PAK5: variants seen among roughly 807,000 people sequenced by gnomAD.
PAK5 encodes serine/threonine-protein kinase PAK 5.
PAK5 carries 16 observed loss-of-function variants against 65.9 expected under a neutral mutation model. The ratio of observed to expected loss-of-function variants is 0.24; its 90% CI spans 0.16 to 0.37. PAK5 has a LOEUF of 0.37. Ranked by LOEUF, PAK5 falls within the 10% of genes least tolerant of loss-of-function variation. The pLI is 1.00. For missense variants in PAK5, 785 were observed against 903.9 expected, an observed-to-expected ratio of 0.87 and a Z score of 1.69; for synonymous variants, 371 against 354.9, an observed-to-expected ratio of 1.05 and a Z score of -0.51.
intron 6 of PAK5, 41 bp downstream of exon 6, chr20:9,562,850 T>A: frequency 6.3e-7 from 1 of 1,586,664 alleles, no homozygotes; most frequent in Non-Finnish European, 8.6e-7. Flanking sequence ...TGGAGAAGAA[T>A]AAGAAGCACC....
chr20:9,672,426 G>A (rs950989525), intron 2 of PAK5, among the ~76,000 whole-genome samples: 5 of 150,530 alleles, frequency 3.3e-5, no homozygotes, highest in African/African-American at 7.4e-5. Context: ...ATCATGGGAG[G>A]AAGCCTGTGG....
At chr20:9,837,953 C>G (rs1364369284) in intron 1 of PAK5, among the ~76,000 whole-genome samples, 2 of 152,128 alleles carry the variant, frequency 1.3e-5, no homozygotes, top group Admixed American at 6.5e-5. Context: ...TAACTCAGCC[C>G]GAGTTGAAAG....
At chr20:9,746,194 C>T (rs1303494592) in intron 1 of PAK5, among the ~76,000 whole-genome samples, 2 of 152,106 alleles carry the variant, frequency 1.3e-5, no homozygotes, top group African/African-American at 4.8e-5. Context: ...TTCATACAGC[C>T]ATAGCCCTGC....
chr20:9,830,311 A>T, intron 1 of PAK5, among the ~76,000 whole-genome samples: 1 of 152,368 alleles, frequency 6.6e-6, no homozygotes, highest in South Asian at 2.1e-4. Context: ...GAGTTATAAA[A>T]GCAACAACAT....
chr20:9,674,444 A>C (rs1406589377), intron 2 of PAK5, among the ~76,000 whole-genome samples: 2 of 152,208 alleles, frequency 1.3e-5, no homozygotes, highest in African/African-American at 4.8e-5. Context: ...AAGCTTTCTT[A>C]TATGTTTCCC....
At chr20:9,816,656 T>C (rs1402379701) in intron 1 of PAK5, among the ~76,000 whole-genome samples, 2 of 152,114 alleles carry the variant, frequency 1.3e-5, no homozygotes, top group Non-Finnish European at 2.9e-5. Flanking sequence ...AATCCATACT[T>C]TCTCTCTGGT....
At chr20:9,552,201 A>G (rs2045438949) in intron 7 of PAK5, among the ~76,000 whole-genome samples, 1 of 152,258 alleles carries the variant, frequency 6.6e-6, no homozygotes, top group South Asian at 2.1e-4. Flanking sequence ...AGAGATCACA[A>G]AGACCACTTG....
intron 1 of PAK5, among the ~76,000 whole-genome samples, chr20:9,736,363 T>C (rs575262343): frequency 3.3e-5 from 5 of 152,258 alleles, no homozygotes; most frequent in South Asian, 2.1e-4. Flanking sequence ...TTTGAAGATA[T>C]AATGGTTGAA....
At chr20:9,777,385 T>C (rs1010597008) in intron 1 of PAK5, among the ~76,000 whole-genome samples, 22 of 152,316 alleles carry the variant, frequency 1.4e-4, no homozygotes, top group African/African-American at 4.1e-4. Context: ...AGTGCTGCTC[T>C]ATGATAGTGA....
chr20:9,771,018 A>G (rs919797607), intron 1 of PAK5, among the ~76,000 whole-genome samples: 1 of 152,204 alleles, frequency 6.6e-6, no homozygotes, highest in Non-Finnish European at 1.5e-5. Context: ...AGAGAACATG[A>G]ATATAAGAAA....
intron 3 of PAK5, among the ~76,000 whole-genome samples, chr20:9,622,066 C>T (rs1432996592): frequency 1.3e-5 from 2 of 152,172 alleles, no homozygotes; most frequent in East Asian, 3.9e-4. Flanking sequence ...CTAGCAAGCC[C>T]AGCCTGAAAG....
chr20:9,705,774 G>A (rs1211995742), intron 2 of PAK5, among the ~76,000 whole-genome samples: 1 of 152,064 alleles, frequency 6.6e-6, no homozygotes, highest in African/African-American at 2.4e-5. Context: ...AGCAGATAAT[G>A]GAAACAACAG....
chr20:9,837,061 T>G (rs1476436522), intron 1 of PAK5, among the ~76,000 whole-genome samples: 1 of 152,214 alleles, frequency 6.6e-6, no homozygotes, highest in Non-Finnish European at 1.5e-5. Context: ...TGCTTAGATA[T>G]CAATTTTCAA....
rs146333498 is a variant in PAK5 at position 9,782,862 on chromosome 20, T to C, written c.-162+55900A>G. Among the ~76,000 whole-genome samples, 1,158 of 152,104 alleles carry C rather than the reference T, an allele frequency of 7.6e-3. 14 individuals are homozygous for C. The highest frequency in any genetic ancestry group is 0.027 in the African/African-American group (1,110 of 41,516). Reference sequence around the variant, plus strand: ...CACCCACCACCATCGTCAAACATTTTCAAAGCTAAAGAGAGAGTAGGCATG... The same window carrying C: ...CACCCACCACCATCGTCAAACATTTCCAAAGCTAAAGAGAGAGTAGGCATG... On this transcript the variant is annotated intron_variant, in intron 1 of 9. Coordinates refer to ENST00000353224, the MANE Select transcript of PAK5 (RefSeq NM_177990.4).
chr20:9,779,175 G>C (rs1360885558), intron 1 of PAK5, among the ~76,000 whole-genome samples: 1 of 152,004 alleles, frequency 6.6e-6, no homozygotes, highest in East Asian at 1.9e-4. Flanking sequence ...TAACTGTTTA[G>C]CATTTGACAA....
At chr20:9,726,701 AAATACCT>A (rs1214298076) in intron 1 of PAK5, among the ~76,000 whole-genome samples, 1 of 152,174 alleles carries the variant, frequency 6.6e-6, no homozygotes, top group African/African-American at 2.4e-5. Flanking sequence ...ACATTAGAAC[AAATACCT>A]AATGCACGCA....
intron 2 of PAK5, among the ~76,000 whole-genome samples, chr20:9,669,011 G>A (rs2047457368): frequency 6.6e-6 from 1 of 152,082 alleles, no homozygotes; most frequent in African/African-American, 2.4e-5. Context: ...ATGTATAATG[G>A]AACACAAAAT....
chr20:9,711,836 A>G (rs560856606), intron 1 of PAK5, among the ~76,000 whole-genome samples: 5 of 152,306 alleles, frequency 3.3e-5, no homozygotes, highest in African/African-American at 1.2e-4. Flanking sequence ...AGTAGTTATG[A>G]TTTATGAAGT....
At chr20:9,601,206 C>A (rs1336685730) in intron 3 of PAK5, among the ~76,000 whole-genome samples, 1 of 152,106 alleles carries the variant, frequency 6.6e-6, no homozygotes, top group Non-Finnish European at 1.5e-5. Context: ...GGAGAGTCTG[C>A]AAAGATATTC....
Sources: allele counts gnomAD v4.1 joint callset (sites outside exome capture counted in the v4.1 genomes callset), GRCh38; gene constraint gnomAD v4.1.1; transcripts MANE v1.5; gene names NCBI Gene and HGNC (gene_info 2026-07-23, HGNC 2026-07-21).